Variants in KCTD3 observed in about 807,000 individuals in gnomAD.
KCTD3 encodes the protein potassium channel tetramerization domain containing 3, also known as BTB/POZ domain-containing protein KCTD3.
In KCTD3, 41 loss-of-function variants were observed where a neutral mutation model predicts 85.8. The ratio of observed to expected loss-of-function variants is 0.48; its 90% CI spans 0.37 to 0.62. KCTD3 has a LOEUF of 0.62. Among genes scored for constraint, KCTD3 ranks in the 20% least tolerant of loss-of-function variants. The pLI is 0.00. For synonymous variants in KCTD3, 338 were observed against 345.4 expected (o/e 0.98, Z 0.24); for missense variants, 724 against 989.9 (o/e 0.73, Z 3.60).
In KCTD3 at chr1:215,567,537, A is replaced by T; in HGVS notation, c.-149A>T. 1 of 307,612 alleles carries T rather than the reference A, an allele frequency of 3.3e-6. No individual in the cohort carries two copies. The highest frequency in any genetic ancestry group is 2.2e-5 in the African/African-American group (1 of 45,412). 19.1% of individuals were successfully genotyped at this position (307,612 alleles called of 1,614,324 possible). A position where few individuals can be genotyped will look rare whatever the true frequency, so the allele number is the denominator to read the frequency against. ...AGCGAGCCCCGCCCGGCCGCCGGGA[A>T]GGTGGGGGAAGCCCCGTGCACCCCC... On this transcript the variant is annotated 5_prime_UTR_variant, in exon 1 of 18. The change creates a new upstream start codon in the 5' untranslated region. Transcript: ENST00000259154.
chr1:215,608,221 A>G, intron 14 of KCTD3, 49 bp downstream of exon 14: 2 of 1,293,994 alleles, frequency 1.5e-6, no homozygotes, highest in Non-Finnish European at 2.1e-6. Flanking sequence ...TTAACTGTTC[A>G]GAAGAAGCAT....
intron 8 of KCTD3, among the ~76,000 whole-genome samples, chr1:215,586,177 C>T (rs562996927): frequency 1.3e-5 from 2 of 152,122 alleles, no homozygotes; most frequent in South Asian, 4.1e-4. Context: ...ATAAAACTAT[C>T]TTTTTTTAAA....
intron 3 of KCTD3, among the ~76,000 whole-genome samples, chr1:215,575,041 C>T (rs1301544389): frequency 1.3e-5 from 2 of 152,074 alleles, no homozygotes; most frequent in East Asian, 1.9e-4. Flanking sequence ...TACCTGAGGT[C>T]AGAAGTTCAA....
chr1:215,601,809 C>A, intron 10 of KCTD3, 58 bp from the exon 11 acceptor site: 3 of 1,030,342 alleles, frequency 2.9e-6, no homozygotes, highest in Non-Finnish European at 4.4e-6. Context: ...AGGAAATTGA[C>A]CAGAAAATAG....
chr1:215,592,488 T>A (rs1660262581), intron 9 of KCTD3, among the ~76,000 whole-genome samples: 1 of 152,142 alleles, frequency 6.6e-6, no homozygotes, highest in Non-Finnish European at 1.5e-5. Context: ...ACATAAAAAA[T>A]TTTGAAATTA....
At chr1:215,601,576 A>G (rs956308828) in intron 10 of KCTD3, among the ~76,000 whole-genome samples, 1 of 152,164 alleles carries the variant, frequency 6.6e-6, no homozygotes, top group South Asian at 2.1e-4. Flanking sequence ...TAGTGATCAC[A>G]TGCAAAAAAA....
chr1:215,594,699 C>G (rs1163863897), intron 9 of KCTD3, among the ~76,000 whole-genome samples: 2 of 152,062 alleles, frequency 1.3e-5, no homozygotes, highest in Non-Finnish European at 2.9e-5. Flanking sequence ...GTCTTGTCTT[C>G]TCGTGTTTTT....
intron 1 of KCTD3, 127 bp from the exon 2 acceptor site, chr1:215,573,659 T>C: frequency 1.8e-6 from 1 of 562,844 alleles, no homozygotes; most frequent in East Asian, 2.9e-5. Flanking sequence ...CTGTAATAAA[T>C]ATATTGGTAC....
Position 215,576,011 on chromosome 1 carries a change from G to T in KCTD3, c.257+37G>T, listed in dbSNP as rs760755487. ...ACTCTTTTTAAAGTAAATTCTTACTGATAAATATGTGTTTTTAATATGTTT... is the reference window on the plus strand; with the variant it reads ...ACTCTTTTTAAAGTAAATTCTTACTTATAAATATGTGTTTTTAATATGTTT... On this transcript the variant is annotated intron_variant, in intron 4 of 17. Coordinates refer to ENST00000259154, the MANE Select transcript of KCTD3 (RefSeq NM_016121.5). 3 of 996,242 alleles carry T rather than the reference G, an allele frequency of 3.0e-6. No individual in the cohort carries two copies. The South Asian group carries it at 4.3e-5, about 14-fold the overall frequency. The allele number at this position is 996,242 out of a possible 1,614,324, so 61.7% of individuals were successfully genotyped here. A position where few individuals can be genotyped will look rare whatever the true frequency, so the allele number is the denominator to read the frequency against.
chr1:215,611,160 T>C lies in KCTD3; in HGVS notation c.1466-665T>C, dbSNP rs367846739. ...AAATATAATGGGCTATTTATCTGTCTTGCCAAATACAATAAAGTGAAAATA... is the reference window on the plus strand; with the variant it reads ...AAATATAATGGGCTATTTATCTGTCCTGCCAAATACAATAAAGTGAAAATA... On this transcript the variant is annotated intron_variant, in intron 14 of 17. Transcript: ENST00000259154. Among the ~76,000 whole-genome samples, 5 of 152,168 alleles carry C rather than the reference T, an allele frequency of 3.3e-5. No homozygotes were observed. In the South Asian group the frequency reaches 1.0e-3, roughly 32 times the overall value.
rs928449925 is a variant in KCTD3, at chr1:215,579,941, G to C, written c.568G>C (p.Val190Leu). 20 of 1,613,536 alleles carry C rather than the reference G, an allele frequency of 1.2e-5. No homozygotes were observed. The highest frequency in any genetic ancestry group is 1.6e-5 in the Non-Finnish European group (19 of 1,179,534). ...TGTGGATCCACGAAAGGTGCTAATA[G>C]TAGCTGGCCATCACAACTGGATTGT... is the stretch of plus-strand genomic sequence containing the variant. Reference protein sequence around the residue: ...FPVDPRKVLIVAGHHNWIVAA... With the variant: ...FPVDPRKVLILAGHHNWIVAA... The change falls in exon 8 of 18, where the codon GTA (valine) becomes CTA (leucine). Residue 190 changes from valine (V) to leucine (L), a missense_variant. Coordinates refer to ENST00000259154, the MANE Select transcript of KCTD3 (RefSeq NM_016121.5).
At chr1:215,586,741 T>G (rs1660024802) in intron 9 of KCTD3, 56 bp downstream of exon 9, 1 of 1,412,712 alleles carries the variant, frequency 7.1e-7, no homozygotes, top group South Asian at 1.3e-5. Context: ...TTGAAGTTTA[T>G]AAAAGAGATT....
At chr1:215,607,428 C>T (rs1460702022) in intron 13 of KCTD3, among the ~76,000 whole-genome samples, 1 of 151,860 alleles carries the variant, frequency 6.6e-6, no homozygotes, top group Non-Finnish European at 1.5e-5. Flanking sequence ...AGTTAATATT[C>T]TATTCACAAA....
chr1:215,590,417 T>C (rs912641722), intron 9 of KCTD3, among the ~76,000 whole-genome samples: 3 of 152,206 alleles, frequency 2.0e-5, no homozygotes, highest in Admixed American at 6.5e-5. Context: ...GAGGGAGGCC[T>C]GTACCTGTCT....
In KCTD3 at chr1:215,567,734, G is replaced by A. The variant is rs1488392747; in HGVS notation, c.49G>A (p.Gly17Ser). The change falls in exon 1 of 18, where the codon GGC becomes AGC. Residue 17 changes from glycine (G) to serine (S), a missense_variant. By Grantham distance (56) the Gly-to-Ser change is moderately conservative. Around this residue, in one of 6 missense-constraint regions of KCTD3, gnomAD observed 97 missense variants for 115.7 expected, o/e 0.84. Transcript: ENST00000259154. The part of the protein sequence containing the change: ...GSFPAAAAGS[G>S]EIVQLNVGGT... ...CTTCCCCGCGGCGGCGGCCGGCAGC[G>A]GCGAGATCGTCCAACTGAACGTAGG... The A allele has an allele frequency of 4.0e-6, 5 of 1,244,096 alleles. No individual in the cohort carries two copies. Among genetic ancestry groups the A allele is most frequent in the Admixed American group, 4.2e-5 (1 of 23,704 alleles). 77.1% of individuals were successfully genotyped at this position (1,244,096 alleles called of 1,614,324 possible).
At chr1:215,608,647 AAGTTT>A (rs1323742877) in intron 14 of KCTD3, among the ~76,000 whole-genome samples, 14 of 151,902 alleles carry the variant, frequency 9.2e-5, no homozygotes, top group African/African-American at 2.9e-4. Context: ...AAAGGTGTAT[AAGTTT>A]AGTTTAGGTT....
chr1:215,588,217 T>C (rs1325265384), intron 9 of KCTD3, among the ~76,000 whole-genome samples: 1 of 152,120 alleles, frequency 6.6e-6, no homozygotes, highest in East Asian at 1.9e-4. Context: ...GAGCAGCTCC[T>C]GTAGCTCTTT....
chr1:215,618,358 A>G (rs1655533129), intron 15 of KCTD3: 1 of 175,526 alleles, frequency 5.7e-6, no homozygotes. Context: ...TTCATATTCT[A>G]TTCCTGTATG....
intron 12 of KCTD3, among the ~76,000 whole-genome samples, chr1:215,603,880 A>T (rs1460819863): frequency 6.6e-6 from 1 of 152,198 alleles, no homozygotes; most frequent in African/African-American, 2.4e-5. Flanking sequence ...ACTGTGATAG[A>T]ACCTAATAGT....
Sources: gnomAD v4.1 joint callset for allele counts (sites outside exome capture counted in the v4.1 genomes callset) on GRCh38, gnomAD v4.1.1 for gene constraint, gnomAD v4.1.1 regional missense constraint, MANE v1.5 for transcripts, NCBI Gene and HGNC (gene_info 2026-07-23, HGNC 2026-07-21) for gene names.